Variants in PTPRD observed in about 807,000 individuals in gnomAD.
PTPRD encodes the protein receptor-type tyrosine-protein phosphatase delta.
Under a neutral mutation model 214.5 loss-of-function variants are expected in PTPRD, and 34 were observed. That is an observed-to-expected ratio of 0.16 (90% CI 0.12 to 0.21). PTPRD has a LOEUF of 0.21. PTPRD is among the 10% of genes least tolerant of loss of function. The probability of loss-of-function intolerance (pLI) is 1.00; values close to 1 mark genes in which losing one functional copy is unlikely to be tolerated. For synonymous variants in PTPRD, 1,128 were observed against 845.7 expected (o/e 1.33, Z -5.79); for missense variants, 2,545 against 2,398.7 (o/e 1.06, Z -1.27).
chr9:9,231,364 G>C (rs1158662206), intron 9 of PTPRD, among the ~76,000 whole-genome samples: 1 of 152,100 alleles, frequency 6.6e-6, no homozygotes, highest in East Asian at 1.9e-4. Context: ...TAAGTAATTA[G>C]AGTATATTAT....
intron 5 of PTPRD, among the ~76,000 whole-genome samples, chr9:9,799,052 G>A (rs2099021908): frequency 6.6e-6 from 1 of 151,970 alleles, no homozygotes; most frequent in South Asian, 2.1e-4. Flanking sequence ...ATTATTACGG[G>A]AATGACTGCA....
At chr9:10,288,755 A>C (rs1275139075) in intron 3 of PTPRD, among the ~76,000 whole-genome samples, 3 of 152,220 alleles carry the variant, frequency 2.0e-5, no homozygotes, top group Admixed American at 2.0e-4. Flanking sequence ...TTACTTTACA[A>C]ATTCTAAAAT....
intron 2 of PTPRD, among the ~76,000 whole-genome samples, chr9:10,586,912 T>G (rs2074070939): frequency 1.3e-5 from 2 of 152,098 alleles, no homozygotes; most frequent in Non-Finnish European, 2.9e-5. Context: ...AACACACTTT[T>G]GCTTATCATT....
At position 9,175,247 on chromosome 9, in the gene PTPRD, G is replaced by A. The variant is rs553518348; in HGVS notation, c.-143+8057C>T. On this transcript the variant is annotated intron_variant, in intron 10 of 45. Transcript: ENST00000381196. ...TTTCATGTTACCCTGTTCATCACAA[G>A]AACAATTAACCACTAAAATCTTTGT... Among the ~76,000 whole-genome samples the A allele has an allele frequency of 4.6e-5, 7 of 152,210 alleles. No homozygotes were observed. The East Asian group carries it at 1.4e-3, about 29-fold the overall frequency.
intron 7 of PTPRD, among the ~76,000 whole-genome samples, chr9:9,605,486 G>A (rs1041141670): frequency 6.6e-6 from 1 of 151,922 alleles, no homozygotes; most frequent in Non-Finnish European, 1.5e-5. Context: ...TTCTTTATAT[G>A]TTTGCATGTG....
intron 10 of PTPRD, among the ~76,000 whole-genome samples, chr9:9,143,144 T>G (rs2099863109): frequency 6.6e-6 from 1 of 152,132 alleles, no homozygotes; most frequent in African/African-American, 2.4e-5. Context: ...CTTACTAAAT[T>G]CTCCCCAAAT....
intron 8 of PTPRD, among the ~76,000 whole-genome samples, chr9:9,437,509 A>T (rs1382072511): frequency 1.3e-5 from 2 of 152,140 alleles, no homozygotes; most frequent in African/African-American, 2.4e-5. Flanking sequence ...TTAAAATTTC[A>T]TAACTACATT....
chr9:8,549,240 A>C (rs2081271876), intron 14 of PTPRD, among the ~76,000 whole-genome samples: 1 of 152,144 alleles, frequency 6.6e-6, no homozygotes, highest in Non-Finnish European at 1.5e-5. Context: ...AGTTTTAGGG[A>C]GTATTCATTT....
At chr9:8,940,384 G>C (rs939312405) in intron 11 of PTPRD, among the ~76,000 whole-genome samples, 1 of 145,094 alleles carries the variant, frequency 6.9e-6, no homozygotes, top group African/African-American at 2.6e-5. Context: ...CTGGGTTCAA[G>C]TGATTCTCCT....
rs377577149 is a variant in PTPRD at position 10,065,216 on chromosome 9, G to A, written c.-544-31426C>T. 7.3e-4 allele frequency among the ~76,000 whole-genome samples: 84 copies of A among 114,458 alleles called. No homozygotes were observed. The South Asian group carries it at 0.02, about 27-fold the overall frequency. 75.1% of individuals were successfully genotyped at this position (114,458 alleles called of 152,430 possible). A position where few individuals can be genotyped will look rare whatever the true frequency, so the allele number is the denominator to read the frequency against. ...GAAAAGGATGCTTTGCAGAGGTCCAGAAACTTATCATTTCCAGTACATGTA... is the reference window on the plus strand; with the variant it reads ...GAAAAGGATGCTTTGCAGAGGTCCAAAAACTTATCATTTCCAGTACATGTA... On this transcript the variant is annotated intron_variant, in intron 3 of 45. Transcript: ENST00000381196.
At chr9:8,603,237 T>G (rs2154279257) in intron 14 of PTPRD, among the ~76,000 whole-genome samples, 1 of 150,594 alleles carries the variant, frequency 6.6e-6, no homozygotes, top group Admixed American at 6.6e-5. Context: ...CATTACTCTT[T>G]ACAGACATCA....
chr9:8,802,403 G>A (rs1363346065), intron 11 of PTPRD, among the ~76,000 whole-genome samples: 1 of 152,072 alleles, frequency 6.6e-6, no homozygotes, highest in African/African-American at 2.4e-5. Context: ...ACACCTAAAG[G>A]CCCTCAAATA....
At chr9:9,832,929 C>T (rs1379289354) in intron 5 of PTPRD, among the ~76,000 whole-genome samples, 1 of 150,858 alleles carries the variant, frequency 6.6e-6, no homozygotes, top group Non-Finnish European at 1.5e-5. Context: ...GAAAAAAAGT[C>T]CTTATTGTTT....
intron 10 of PTPRD, among the ~76,000 whole-genome samples, chr9:9,072,769 C>T (rs961403208): frequency 6.6e-6 from 1 of 152,126 alleles, no homozygotes; most frequent in Non-Finnish European, 1.5e-5. Context: ...TTATTTAGCC[C>T]ACACTTTTAA....
At chr9:8,606,050 C>A (rs1436651923) in intron 14 of PTPRD, among the ~76,000 whole-genome samples, 1 of 152,030 alleles carries the variant, frequency 6.6e-6, no homozygotes, top group African/African-American at 2.4e-5. Context: ...TATTTCATTC[C>A]ATTTTATGCT....
rs372429613 is a variant in PTPRD at position 10,297,103 on chromosome 9, T to TTATA, written c.-545+43856_-545+43859dup. ...ATGGAGAAAGTCTGCATCAGAAATT[T>TTATA]TATATATATATATATATAAAATATA... On this transcript the variant is annotated intron_variant, in intron 3 of 45. Coordinates refer to ENST00000381196, the MANE Select transcript of PTPRD (RefSeq NM_002839.4). Among the ~76,000 whole-genome samples the TTATA allele has an allele frequency of 5.0e-4, 73 of 145,020 alleles. 3 individuals are homozygous for TTATA. Among genetic ancestry groups the TTATA allele is most frequent in the Admixed American group, 1.9e-3 (27 of 14,376 alleles).
intron 3 of PTPRD, among the ~76,000 whole-genome samples, chr9:10,256,631 A>AAATTCAACT (rs1454781091): frequency 2.0e-5 from 3 of 152,184 alleles, no homozygotes; most frequent in Non-Finnish European, 4.4e-5. Context: ...ATGATTTGAG[A>AAATTCAACT]AATTCAACTA....
intron 8 of PTPRD, among the ~76,000 whole-genome samples, chr9:9,525,588 G>A (rs976024783): frequency 8.6e-5 from 13 of 151,924 alleles, no homozygotes; most frequent in Non-Finnish European, 1.9e-4. Context: ...GGAAGTTAAT[G>A]GAGCTGTGTT....
At chr9:8,928,801 T>C (rs1052256423) in intron 11 of PTPRD, among the ~76,000 whole-genome samples, 2 of 152,172 alleles carry the variant, frequency 1.3e-5, no homozygotes, top group African/African-American at 2.4e-5. Flanking sequence ...ATTTTCATGA[T>C]ATTGATTCTT....
Sources: gnomAD v4.1 joint callset for allele counts (sites outside exome capture counted in the v4.1 genomes callset) on GRCh38, gnomAD v4.1.1 for gene constraint, MANE v1.5 for transcripts, NCBI Gene and HGNC (gene_info 2026-07-23, HGNC 2026-07-21) for gene names.